Variants in CD38 observed in about 807,000 individuals in gnomAD.
CD38 encodes ADP-ribosyl cyclase/cyclic ADP-ribose hydrolase 1.
Under a neutral mutation model 36.3 loss-of-function variants are expected in CD38, and 31 were observed. That is an observed-to-expected ratio of 0.85 (90% confidence interval 0.64 to 1.15). CD38 has a LOEUF of 1.15. CD38 is among the 50% of genes most tolerant of loss of function. The pLI, the probability that CD38 is intolerant of heterozygous loss-of-function variation, is 0.00. For synonymous variants in CD38, 131 were observed against 135.2 expected, an observed-to-expected ratio of 0.97 and a Z score of 0.22; for missense variants, 380 against 371.9, an observed-to-expected ratio of 1.02 and a Z score of -0.18.
intron 2 of CD38, among the ~76,000 whole-genome samples, chr4:15,819,633 A>T (rs529560542): frequency 1.8e-4 from 28 of 152,320 alleles, no homozygotes; most frequent in African/African-American, 6.7e-4. Context: ...TAGACCAAAC[A>T]GAAGAAAGGA....
At chr4:15,780,411 A>T (rs1375676228) in intron 1 of CD38, among the ~76,000 whole-genome samples, 2 of 152,066 alleles carry the variant, frequency 1.3e-5, no homozygotes, top group Non-Finnish European at 2.9e-5. Context: ...TTTGCCATTT[A>T]TATTTTTTTC....
chr4:15,814,964 G>A (rs923047577), intron 1 of CD38, among the ~76,000 whole-genome samples: 8 of 151,866 alleles, frequency 5.3e-5, no homozygotes, highest in African/African-American at 4.8e-5. Context: ...GTATCACCGC[G>A]CCTGGCTAAT....
intron 1 of CD38, among the ~76,000 whole-genome samples, chr4:15,790,638 T>C (rs1335899119): frequency 1.3e-5 from 2 of 148,262 alleles, no homozygotes; most frequent in Non-Finnish European, 3.0e-5. Context: ...TGGCCCCCCA[T>C]CGTCTGGGAT....
At chr4:15,807,339 A>G (rs554831514) in intron 1 of CD38, among the ~76,000 whole-genome samples, 2 of 152,276 alleles carry the variant, frequency 1.3e-5, no homozygotes, top group East Asian at 3.9e-4. Flanking sequence ...AAGAAGTGGC[A>G]GTCACTCCTA....
At chr4:15,837,963 C>A in intron 4 of CD38, 129 bp from the exon 5 acceptor site, 1 of 698,920 alleles carries the variant, frequency 1.4e-6, no homozygotes, top group Non-Finnish European at 2.4e-6. Flanking sequence ...GTAGACCTGA[C>A]ATTCCTGGGC....
intron 1 of CD38, among the ~76,000 whole-genome samples, chr4:15,784,793 CA>C (rs1722774742): frequency 6.6e-6 from 1 of 152,096 alleles, no homozygotes; most frequent in Non-Finnish European, 1.5e-5. Context: ...CACGGTGGCT[CA>C]CACCTGTAAT....
intron 1 of CD38, among the ~76,000 whole-genome samples, chr4:15,780,536 A>ACACACACACACACACACACACACG (rs1722673168): frequency 6.7e-6 from 1 of 148,688 alleles, no homozygotes; most frequent in African/African-American, 2.5e-5. Context: ...ACACACACAC[A>ACACACACACACACACACACACACG]CACACACACA....
intron 3 of CD38, chr4:15,825,256 C>A (rs1425625014): frequency 9.3e-6 from 4 of 428,288 alleles, no homozygotes; most frequent in African/African-American, 2.0e-5. Context: ...AGTAGGGTAC[C>A]AGCATCCACT....
chr4:15,786,457 T>A (rs576549623), intron 1 of CD38, among the ~76,000 whole-genome samples: 1 of 152,204 alleles, frequency 6.6e-6, no homozygotes, highest in Non-Finnish European at 1.5e-5. Context: ...ATCCCTTAGC[T>A]AGACATAAAG....
chr4:15,798,680 A>G (rs1021395067), intron 1 of CD38, among the ~76,000 whole-genome samples: 2 of 152,212 alleles, frequency 1.3e-5, no homozygotes, highest in African/African-American at 2.4e-5. Context: ...AATTTGTTGT[A>G]TCACTTTATT....
At chr4:15,805,754 C>G (rs1271661592) in intron 1 of CD38, among the ~76,000 whole-genome samples, 2 of 152,152 alleles carry the variant, frequency 1.3e-5, no homozygotes, top group African/African-American at 4.8e-5. Context: ...TTAGATAATC[C>G]TAATTGTCTC....
chr4:15,832,778 A>G (rs564758216), intron 3 of CD38, among the ~76,000 whole-genome samples: 131 of 152,184 alleles, frequency 8.6e-4, no homozygotes, highest in Non-Finnish European at 1.5e-3. Flanking sequence ...TCAGTAGGTG[A>G]GAAAGCCAGC....
intron 1 of CD38, among the ~76,000 whole-genome samples, chr4:15,798,398 AC>A (rs1433367280): frequency 6.6e-6 from 1 of 151,896 alleles, no homozygotes; most frequent in African/African-American, 2.4e-5. Flanking sequence ...GCAAGAGCAC[AC>A]CCCCATTTCA....
At chr4:15,792,195 A>G (rs1723013695) in intron 1 of CD38, among the ~76,000 whole-genome samples, 2 of 95,694 alleles carry the variant, frequency 2.1e-5, no homozygotes, top group South Asian at 7.3e-4. Context: ...GCGGTGCAAG[A>G]TGTGCTTTGT....
intron 3 of CD38, among the ~76,000 whole-genome samples, chr4:15,827,531 T>A (rs1295810749): frequency 6.6e-6 from 1 of 152,138 alleles, no homozygotes. Context: ...TTCCATTAAT[T>A]TTTTTAGATT....
chr4:15,809,377 C>T (rs548245788), intron 1 of CD38, among the ~76,000 whole-genome samples: 4 of 152,312 alleles, frequency 2.6e-5, no homozygotes, highest in Admixed American at 1.3e-4. Context: ...TCGGGCTAGT[C>T]ACATTTCCTT....
At chr4:15,823,968 A>G (rs1723793643) in intron 2 of CD38, among the ~76,000 whole-genome samples, 1 of 152,232 alleles carries the variant, frequency 6.6e-6, no homozygotes, top group Non-Finnish European at 1.5e-5. Context: ...AATATTATGC[A>G]GCCATAAAAA....
In CD38 at chr4:15,850,443, CA is replaced by C. The variant is rs574003791; in HGVS notation, c.*1842del. The C allele has an allele frequency of 1.2e-4, 19 of 152,320 alleles. No individual in the cohort carries two copies. The South Asian group carries it at 3.7e-3, about 30-fold the overall frequency. 9.4% of individuals were successfully genotyped at this position (152,320 alleles called of 1,614,324 possible). ...AGGCATTTCTGGATTCATATTTTGA[CA>C]TCATGCTGTCATCTTGAACAAAATG... On this transcript the variant is annotated 3_prime_UTR_variant, in exon 8 of 8. Transcript: ENST00000226279.
intron 1 of CD38, among the ~76,000 whole-genome samples, chr4:15,794,465 C>T (rs73226561): frequency 0.12 from 17,532 of 152,126 alleles, 1,333 homozygotes; most frequent in Non-Finnish European, 0.17. Flanking sequence ...ACAGCGTATA[C>T]AGACACAAGG....
Sources: gnomAD v4.1 joint callset for allele counts (sites outside exome capture counted in the v4.1 genomes callset) on GRCh38, gnomAD v4.1.1 for gene constraint, MANE v1.5 for transcripts, NCBI Gene and HGNC (gene_info 2026-07-23, HGNC 2026-07-21) for gene names.